The following NTHL1 variants were observed in gnomAD, a reference collection of about 807,000 sequenced individuals.
NTHL1 encodes the protein nth like DNA glycosylase 1, also known as endonuclease III-like protein 1.
NTHL1 carries 32 observed loss-of-function variants against 32.3 expected under a neutral mutation model. The observed-to-expected ratio is 0.99, with a 90% CI of 0.75 to 1.33. The LOEUF (loss-of-function observed/expected upper bound fraction) is 1.33, where lower values mean the gene tolerates loss of function less well. Among genes scored for constraint, NTHL1 ranks in the 40% most tolerant of loss-of-function variants. NTHL1 has a pLI of 0.00. For synonymous variants in NTHL1, 188 were observed against 176.9 expected (o/e 1.06, Z -0.50); for missense variants, 501 against 414.1 (o/e 1.21, Z -1.82).
Position 2,043,429 on chromosome 16 carries a change from C to T in NTHL1, c.685+138G>A. 2.4e-6 allele frequency: 3 copies of T among 1,254,158 alleles called. No homozygotes were observed. Among genetic ancestry groups the T allele is most frequent in the East Asian group, 2.5e-5 (1 of 39,490 alleles). 77.7% of individuals were successfully genotyped at this position (1,254,158 alleles called of 1,614,324 possible). A position where few individuals can be genotyped will look rare whatever the true frequency, so the allele number is the denominator to read the frequency against. On this transcript the variant is annotated intron_variant, in intron 4 of 5. Coordinates refer to ENST00000651570, the MANE Select transcript of NTHL1 (RefSeq NM_002528.7). This position sits in a 1 kb window ranked among gnomAD's most constrained non-coding sequence, Gnocchi z 4.4. ...TCTCTGAGTGGGGCTGGCCTGGCTC[C>T]ACCCTGGGAGCACCTTTCTGACTCT...
In NTHL1 at chr16:2,043,692, A is replaced by G. The variant is rs1339505198; in HGVS notation, c.560T>C (p.Ile187Thr). ...KVKYIKQTSA[I>T]LQQHYGGDIP... ...GTCCCCACCGTAGTGCTGCTGCAGG[A>G]TGGCGCTGGTCTGCTTGATGTATTT... The change falls in exon 4 of 6, where the codon ATC (isoleucine) becomes ACC (threonine). Residue 187 changes from isoleucine (I) to threonine (T), a missense_variant. Coordinates refer to ENST00000651570, the MANE Select transcript of NTHL1 (RefSeq NM_002528.7). This position sits in a 1 kb window ranked among gnomAD's most constrained non-coding sequence, Gnocchi z 4.4. The G allele has an allele frequency of 6.2e-7, 1 of 1,612,066 alleles. No homozygotes were observed. Among genetic ancestry groups the G allele is most frequent in the African/African-American group, 1.3e-5 (1 of 74,916 alleles).
rs3087467 is a variant in NTHL1, at chr16:2,040,050, G to C, written c.792-3C>G. 1.9e-6 allele frequency: 3 copies of C among 1,612,440 alleles called. No individual in the cohort carries two copies. Among genetic ancestry groups the C allele is most frequent in the Non-Finnish European group, 2.5e-6 (3 of 1,180,024 alleles). ...CATTGATCTCGTGCCACAGCTCCCT[G>C]TGGGGGTGGGGGCTGGGTCAGTGCT... On this transcript the variant is annotated splice_region_variant and splice_polypyrimidine_tract_variant and intron_variant, in intron 5 of 5. Coordinates refer to ENST00000651570, the MANE Select transcript of NTHL1 (RefSeq NM_002528.7).
chr16:2,045,426 A>G (rs2084331972), intron 2 of NTHL1, among the ~76,000 whole-genome samples: 1 of 151,998 alleles, frequency 6.6e-6, no homozygotes, highest in South Asian at 2.1e-4. Flanking sequence ...GAATCATCAC[A>G]CTACCCTTTA....
At chr16:2,045,301 C>T (rs1334478294) in intron 2 of NTHL1, among the ~76,000 whole-genome samples, 1 of 152,018 alleles carries the variant, frequency 6.6e-6, no homozygotes, top group Non-Finnish European at 1.5e-5. Context: ...TTCACCACTG[C>T]ACTCCAGCCT....
At chr16:2,040,534 TG>T in intron 4 of NTHL1, 1 of 513,340 alleles carries the variant, frequency 1.9e-6, no homozygotes, top group Non-Finnish European at 3.6e-6. Flanking sequence ...GTGTGGGTGG[TG>T]GGGTCTCTGC....
chr16:2,044,917 AT>A lies in NTHL1; in HGVS notation c.355-118del. On this transcript the variant is annotated intron_variant, in intron 2 of 5. Transcript: ENST00000651570. The surrounding 1 kb of genome is among the most constrained non-coding windows in gnomAD (Gnocchi z 5.0). ...TGTTGCCCTGGGCCACACTTGAGGC[AT>A]CAGCCTCCCCCTGTGGGGTGGGGAG... 2.5e-6 allele frequency: 3 copies of A among 1,209,888 alleles called. No individual in the cohort carries two copies. The highest frequency in any genetic ancestry group is 3.4e-6 in the Non-Finnish European group (3 of 878,394). 74.9% of individuals were successfully genotyped at this position (1,209,888 alleles called of 1,614,324 possible). A position where few individuals can be genotyped will look rare whatever the true frequency, so the allele number is the denominator to read the frequency against.
At position 2,044,179 on chromosome 16, in the gene NTHL1, G is replaced by C; in HGVS notation, c.525+451C>G. On this transcript the variant is annotated intron_variant, in intron 3 of 5. Transcript: ENST00000651570. The surrounding 1 kb of genome is among the most constrained non-coding windows in gnomAD (Gnocchi z 5.0). Reference sequence around the variant, plus strand: ...CCATCTGAGAAACTGCGGCCCACGCGGGTGCCAAGGGGAAGCGGCCCCACC... The same window carrying C: ...CCATCTGAGAAACTGCGGCCCACGCCGGTGCCAAGGGGAAGCGGCCCCACC... The C allele has an allele frequency of 3.1e-6, 1 of 322,470 alleles. No homozygotes were observed. Among genetic ancestry groups the C allele is most frequent in the East Asian group, 7.4e-5 (1 of 13,576 alleles). 20.0% of individuals were successfully genotyped at this position (322,470 alleles called of 1,614,324 possible). A position where few individuals can be genotyped will look rare whatever the true frequency, so the allele number is the denominator to read the frequency against.
Position 2,043,722 on chromosome 16 carries a change from T to C in NTHL1, c.530A>G (p.Lys177Arg), listed in dbSNP as rs1463175465. 10 of 1,611,668 alleles carry C rather than the reference T, an allele frequency of 6.2e-6. No homozygotes were observed. The highest frequency in any genetic ancestry group is 3.3e-5 in the Admixed American group (2 of 60,014). The change falls in exon 4 of 6, where the codon AAG (lysine) becomes AGG (arginine). Residue 177 changes from lysine (K) to arginine (R), a missense_variant. Physicochemically the swap from Lys to Arg is conservative, Grantham distance 26. Transcript: ENST00000651570. This position sits in a 1 kb window ranked among gnomAD's most constrained non-coding sequence, Gnocchi z 4.4. ...LIYPVGFWRS[K>R]VKYIKQTSAI... Reference sequence around the variant, plus strand: ...GCTGGTCTGCTTGATGTATTTCACCTTGCTCTGAAAGACAGGGGTGGGTTC... The same window carrying C: ...GCTGGTCTGCTTGATGTATTTCACCCTGCTCTGAAAGACAGGGGTGGGTTC...
chr16:2,047,630 C>A (rs555000022), intron 1 of NTHL1, 79 bp downstream of exon 1: 138 of 1,501,146 alleles, frequency 9.2e-5, no homozygotes, highest in Non-Finnish European at 1.2e-4. Flanking sequence ...CAGCTGGGAG[C>A]CGCAGGAGGC....
chr16:2,040,571 C>T (rs904140601), intron 4 of NTHL1: 6 of 454,320 alleles, frequency 1.3e-5, no homozygotes, highest in African/African-American at 1.2e-4. Flanking sequence ...GGGGTGATGA[C>T]TCGGCTCTGC....
In NTHL1 at chr16:2,043,632, G is replaced by T. The variant is rs755619109; in HGVS notation, c.620C>A (p.Pro207Gln). 1.9e-6 allele frequency: 3 copies of T among 1,611,188 alleles called. No homozygotes were observed. The highest frequency in any genetic ancestry group is 2.5e-6 in the Non-Finnish European group (3 of 1,179,960). ...GTGTGCCATCTTGGGCCCAACACCC[G>T]GCAGCGCCACCAGCTCGGCCACAGA... is the stretch of plus-strand genomic sequence containing the variant. ...PASVAELVALPGVGPKMAHLA... is the reference protein window; with the variant it reads ...PASVAELVALQGVGPKMAHLA... Residue 207 changes from proline (P) to glutamine (Q), a missense_variant, in exon 4 of 6, where the codon CCG (proline) becomes CAG (glutamine). Physicochemically the swap from Pro to Gln is moderately conservative, Grantham distance 76 (BLOSUM62 -1). Transcript: ENST00000651570. The surrounding 1 kb of genome is among the most constrained non-coding windows in gnomAD (Gnocchi z 4.4).
Position 2,046,260 on chromosome 16 carries a change from G to C in NTHL1, c.222C>G (p.Leu74=), listed in dbSNP as rs778667153. ...CCTGGGGCTCCCAGACTGGCACCTTGAGGGGCTCAGCCCCCTCACCTTTCT... is the reference window on the plus strand; with the variant it reads ...CCTGGGGCTCCCAGACTGGCACCTTCAGGGGCTCAGCCCCCTCACCTTTCT... ...DSEKGEGAEP[L]KVPVWEPQDW... Residue 74 remains leucine, a synonymous_variant, in exon 2 of 6, where the codon CTC becomes CTG. Coordinates refer to ENST00000651570, the MANE Select transcript of NTHL1 (RefSeq NM_002528.7). The C allele has an allele frequency of 2.7e-5, 44 of 1,613,100 alleles. No homozygotes were observed. Among genetic ancestry groups the C allele is most frequent in the Admixed American group, 5.0e-5 (3 of 59,998 alleles).
chr16:2,043,693 T>G lies in NTHL1; in HGVS notation c.559A>C (p.Ile187Leu), dbSNP rs2084300719. 2.5e-6 allele frequency: 4 copies of G among 1,612,200 alleles called. No individual in the cohort carries two copies. The East Asian group carries it at 8.9e-5, about 36-fold the overall frequency. ...KVKYIKQTSA[I>L]LQQHYGGDIP... is the part of the protein sequence containing the mutation. ...TCCCCACCGTAGTGCTGCTGCAGGA[T>G]GGCGCTGGTCTGCTTGATGTATTTC... The change falls in exon 4 of 6, where the codon ATC becomes CTC. Residue 187 changes from isoleucine to leucine, a missense_variant. By Grantham distance (5) the Ile-to-Leu change is conservative. Coordinates refer to ENST00000651570, the MANE Select transcript of NTHL1 (RefSeq NM_002528.7). The surrounding 1 kb of genome is among the most constrained non-coding windows in gnomAD (Gnocchi z 4.4).
At chr16:2,045,149 C>T (rs1180674970) in intron 2 of NTHL1, among the ~76,000 whole-genome samples, 1 of 152,140 alleles carries the variant, frequency 6.6e-6, no homozygotes, top group Non-Finnish European at 1.5e-5. Context: ...CCAGCCTGAT[C>T]AACGTGGTGA....
At position 2,043,482 on chromosome 16, in the gene NTHL1, G is replaced by A. The variant is rs1376466703; in HGVS notation, c.685+85C>T. On this transcript the variant is annotated intron_variant, in intron 4 of 5. Coordinates refer to ENST00000651570, the MANE Select transcript of NTHL1 (RefSeq NM_002528.7). The surrounding 1 kb of genome is among the most constrained non-coding windows in gnomAD (Gnocchi z 4.4). ...GGGCTGGGTGGAGGACCAGCATGCT[G>A]GAAGTGGAGTCACAGGTCACAAGGA... is the stretch of plus-strand genomic sequence containing the variant. 6.4e-7 allele frequency: 1 copy of A among 1,566,718 alleles called. No homozygotes were observed. Among genetic ancestry groups the A allele is most frequent in the East Asian group, 2.2e-5 (1 of 44,454 alleles).
In NTHL1 at chr16:2,046,361, T is replaced by C; in HGVS notation, c.121A>G (p.Arg41Gly). The C allele has an allele frequency of 6.2e-7, 1 of 1,604,482 alleles. No homozygotes were observed. The highest frequency in any genetic ancestry group is 2.2e-5 in the East Asian group (1 of 44,650). Reference protein sequence around the residue: ...LRRREAAAEARKSHSPVKRPR... With the variant: ...LRRREAAAEAGKSHSPVKRPR... ...CGCTTCACGGGGCTGTGGCTTTTCC[T>C]CGCTTCTGCAAAAAGCACCACGCAG... is the stretch of plus-strand genomic sequence containing the variant. Residue 41 changes from arginine to glycine, a missense_variant, in exon 2 of 6, where the codon AGG becomes GGG. Coordinates refer to ENST00000651570, the MANE Select transcript of NTHL1 (RefSeq NM_002528.7).
In NTHL1 at chr16:2,040,253, A is replaced by G. The variant is rs753877022; in HGVS notation, c.686-15T>C. 6.8e-6 allele frequency: 11 copies of G among 1,610,984 alleles called. No individual in the cohort carries two copies. Among genetic ancestry groups the G allele is most frequent in the East Asian group, 4.5e-5 (2 of 44,878 alleles). On this transcript the variant is annotated splice_polypyrimidine_tract_variant and intron_variant, in intron 4 of 5. Transcript: ENST00000651570. ...CGTGTCCACTGCTGCTGGGAGGCCA[A>G]GCGGGGTGAACAGGGGCACACTCCA... is the stretch of plus-strand genomic sequence containing the variant.
In NTHL1 at chr16:2,039,962, G is replaced by A. The variant is rs200420874; in HGVS notation, c.877C>T (p.Leu293Phe). Reference protein sequence around the residue: ...LPVHPRCHACLNQALCPAAQG... With the variant: ...LPVHPRCHACFNQALCPAAQG... Reference sequence around the variant, plus strand: ...GCGGCCGGGCAGAGGGCTTGGTTGAGGCAGGCGTGGCAGCGAGGGTGCACA... The same window carrying A: ...GCGGCCGGGCAGAGGGCTTGGTTGAAGCAGGCGTGGCAGCGAGGGTGCACA... The change falls in exon 6 of 6, where the codon CTC becomes TTC. Residue 293 changes from leucine (L) to phenylalanine (F), a missense_variant. Coordinates refer to ENST00000651570, the MANE Select transcript of NTHL1 (RefSeq NM_002528.7). The A allele has an allele frequency of 2.5e-6, 4 of 1,607,362 alleles. No homozygotes were observed. In the African/African-American group the frequency reaches 5.3e-5, roughly 21 times the overall value.
In NTHL1 at chr16:2,047,834, T is replaced by C. The variant is rs756332498; in HGVS notation, c.-11A>G. On this transcript the variant is annotated 5_prime_UTR_variant, in exon 1 of 6. Transcript: ENST00000651570. ...GCTCAAGGCGGTCATGCCGGACTCC[T>C]GCGGACTACACATCCCGGCGGCCCA... 3.8e-6 allele frequency: 6 copies of C among 1,594,530 alleles called. No individual in the cohort carries two copies. In the East Asian group the frequency reaches 9.0e-5, roughly 24 times the overall value.
Sources: gnomAD v4.1 joint callset for allele counts (sites outside exome capture counted in the v4.1 genomes callset) on GRCh38, gnomAD v4.1.1 for gene constraint, Gnocchi (gnomAD v3.1) non-coding constraint, MANE v1.5 for transcripts, NCBI Gene and HGNC (gene_info 2026-07-23, HGNC 2026-07-21) for gene names.